Variants in DMXL2 observed in about 807,000 individuals in gnomAD.
The protein encoded by DMXL2 is Dmx like 2.
Under a neutral mutation model 331.1 loss-of-function variants are expected in DMXL2, and 103 were observed. The ratio of observed to expected loss-of-function variants is 0.31; its 90% CI spans 0.27 to 0.37. The LOEUF (loss-of-function observed/expected upper bound fraction) is 0.37. Ranked by LOEUF, DMXL2 falls within the 10% of genes least tolerant of loss-of-function variation. DMXL2 has a pLI of 1.00. For synonymous variants in DMXL2, 1,281 were observed against 1,252.1 expected, an observed-to-expected ratio of 1.02 and a Z score of -0.49; for missense variants, 3,171 against 3,642.9, an observed-to-expected ratio of 0.87 and a Z score of 3.33.
chr15:51,456,909 T>A (rs1265282631), intron 37 of DMXL2, among the ~76,000 whole-genome samples: 1 of 152,204 alleles, frequency 6.6e-6, no homozygotes. Flanking sequence ...TGGTGGCTCA[T>A]GCCTGTAATC....
intron 15 of DMXL2, among the ~76,000 whole-genome samples, chr15:51,508,910 G>C (rs567233341): frequency 9.7e-4 from 147 of 152,184 alleles, no homozygotes; most frequent in African/African-American, 3.3e-3. Flanking sequence ...TGAAATAACT[G>C]GTTTAAGATC....
In DMXL2 at chr15:51,500,093, T is replaced by G. The variant is rs747733734; in HGVS notation, c.3131A>C (p.Glu1044Ala). 6.2e-7 allele frequency: 1 copy of G among 1,614,192 alleles called. No individual in the cohort carries two copies. Among genetic ancestry groups the G allele is most frequent in the Non-Finnish European group, 8.5e-7 (1 of 1,180,012 alleles). Reference sequence around the variant, plus strand: ...AGGCCATCTCTTCCAATGATAAATTTCTTTCTCATCACTTTTATTACACTC... The same window carrying G: ...AGGCCATCTCTTCCAATGATAAATTGCTTTCTCATCACTTTTATTACACTC... The part of the protein sequence containing the change: ...NPECNKSDEK[E>A]IYHWKRWPLM... The change falls in exon 18 of 44, where the codon GAA becomes GCA. Residue 1044 changes from glutamate (E) to alanine (A), a missense_variant. By Grantham distance (107) the Glu-to-Ala change is moderately radical. This residue lies in a region of DMXL2 where 1,674 missense variants were observed against 1,780.2 expected (regional missense o/e 0.94). Transcript: ENST00000560891.
intron 38 of DMXL2, 37 bp downstream of exon 38, chr15:51,456,272 T>A (rs539588036): frequency 5.6e-5 from 89 of 1,595,824 alleles, no homozygotes; most frequent in Non-Finnish European, 7.4e-5. Context: ...AACCTCCAAA[T>A]GAGGACACTT....
chr15:51,484,247 G>A (rs1463340860), intron 23 of DMXL2, among the ~76,000 whole-genome samples: 4 of 152,194 alleles, frequency 2.6e-5, no homozygotes, highest in Admixed American at 6.5e-5. Context: ...CTCCAGGCTG[G>A]CCAAGTGACC....
intron 1 of DMXL2, among the ~76,000 whole-genome samples, chr15:51,594,101 C>G (rs1239901512): frequency 6.6e-6 from 1 of 151,972 alleles, no homozygotes; most frequent in Non-Finnish European, 1.5e-5. Flanking sequence ...CACAAAAAAC[C>G]CTTCAAAAAA....
intron 1 of DMXL2, among the ~76,000 whole-genome samples, chr15:51,576,676 C>A (rs1408564457): frequency 6.6e-6 from 1 of 152,114 alleles, no homozygotes; most frequent in South Asian, 2.1e-4. Context: ...ACAACAAAGG[C>A]AGAATTACAT....
At chr15:51,582,798 G>A (rs1342886633) in intron 1 of DMXL2, among the ~76,000 whole-genome samples, 1 of 151,998 alleles carries the variant, frequency 6.6e-6, no homozygotes, top group African/African-American at 2.4e-5. Context: ...TCAGTAACAA[G>A]ATTTTCTTTT....
At chr15:51,502,306 TTGTGTGTGTGTGTGTGTG>T (rs769283309) in intron 17 of DMXL2, among the ~76,000 whole-genome samples, 1 of 140,558 alleles carries the variant, frequency 7.1e-6, no homozygotes, top group South Asian at 2.3e-4. Context: ...TTTTGTGGGT[TTGTGTGTGTGTGTGTGTG>T]TGTGTGTGTG....
At position 51,458,745 on chromosome 15, in the gene DMXL2, C is replaced by A; in HGVS notation, c.8040G>T (p.Lys2680Asn). 1.2e-6 allele frequency: 2 copies of A among 1,614,004 alleles called. No individual in the cohort carries two copies. The highest frequency in any genetic ancestry group is 1.1e-5 in the South Asian group (1 of 91,076). Residue 2680 changes from lysine to asparagine, a missense_variant, in exon 35 of 44, where the codon AAG becomes AAT. Lys to Asn is a moderately conservative substitution (Grantham distance 94). Around this residue, in one of 7 missense-constraint regions of DMXL2, gnomAD observed 766 missense variants for 940.5 expected, o/e 0.81. Transcript: ENST00000560891. Reference protein sequence around the residue: ...YPGGKAKVIHKESDMIMAFSV... With the variant: ...YPGGKAKVIHNESDMIMAFSV... ...AAAATGCCATGATCATATCAGATTC[C>A]TTATGGATGACTTTCGCCTTTCCAC...
chr15:51,528,956 T>C (rs1006251369), intron 13 of DMXL2, among the ~76,000 whole-genome samples: 4 of 152,098 alleles, frequency 2.6e-5, no homozygotes, highest in African/African-American at 9.7e-5. Flanking sequence ...TAACAAGGAA[T>C]TTTGGAAACT....
At chr15:51,581,252 T>C (rs4775955) in intron 1 of DMXL2, among the ~76,000 whole-genome samples, 72,654 of 152,014 alleles carry the variant, frequency 0.48, 17,739 homozygotes, top group Non-Finnish European at 0.52. Context: ...ATGTAGGCTG[T>C]ATGCTCTTTA....
chr15:51,593,045 A>T (rs2052513333), intron 1 of DMXL2, among the ~76,000 whole-genome samples: 1 of 152,222 alleles, frequency 6.6e-6, no homozygotes. Context: ...TAATGACAGG[A>T]TCAAATTCAC....
At chr15:51,597,349 T>C (rs2141285767) in intron 1 of DMXL2, among the ~76,000 whole-genome samples, 1 of 152,300 alleles carries the variant, frequency 6.6e-6, no homozygotes, top group South Asian at 2.1e-4. Context: ...TTCTTTGTAG[T>C]TTTTCAACCT....
Position 51,471,264 on chromosome 15 carries a change from T to C in DMXL2, c.7351A>G (p.Ile2451Val), listed in dbSNP as rs768770208. The change falls in exon 29 of 44, where the codon ATT becomes GTT. Residue 2451 changes from isoleucine (I) to valine (V), a missense_variant. Coordinates refer to ENST00000560891, the MANE Select transcript of DMXL2 (RefSeq NM_001378457.1). ...TCCCACATACTAAGTTCGGGAGGAA[T>C]AAATTTTTCTTTGTAAGATGGTCTT... is the stretch of plus-strand genomic sequence containing the variant. ...AERPSYKEKF[I>V]PPELSMWDYF... 3 of 1,613,964 alleles carry C rather than the reference T, an allele frequency of 1.9e-6. No homozygotes were observed. Among genetic ancestry groups the C allele is most frequent in the Non-Finnish European group, 2.5e-6 (3 of 1,179,964 alleles).
At chr15:51,541,227 T>A (rs904738590) in intron 9 of DMXL2, among the ~76,000 whole-genome samples, 1 of 152,046 alleles carries the variant, frequency 6.6e-6, no homozygotes, top group Admixed American at 6.6e-5. Flanking sequence ...AGAAATATAA[T>A]GCAGACCAAA....
intron 26 of DMXL2, among the ~76,000 whole-genome samples, chr15:51,477,284 C>T (rs377507983): frequency 1.3e-5 from 2 of 151,982 alleles, no homozygotes; most frequent in African/African-American, 2.4e-5. Context: ...AATATAAAAG[C>T]GGAAAGTCAA....
chr15:51,558,076 T>C (rs1298900930), intron 6 of DMXL2, among the ~76,000 whole-genome samples: 1 of 152,226 alleles, frequency 6.6e-6, no homozygotes, highest in Non-Finnish European at 1.5e-5. Context: ...TACATCTTTT[T>C]GTCTGAGGTC....
chr15:51,610,187 A>G (rs530698444), intron 1 of DMXL2, among the ~76,000 whole-genome samples: 1 of 152,352 alleles, frequency 6.6e-6, no homozygotes, highest in Middle Eastern at 3.4e-3. Flanking sequence ...ACTGTTAGAA[A>G]TCAAAAAGGG....
Position 51,453,596 on chromosome 15 carries a change from T to C in DMXL2, c.8650A>G (p.Thr2884Ala). The change falls in exon 41 of 44, where the codon ACC becomes GCC. Residue 2884 changes from threonine to alanine, a missense_variant. Thr to Ala is a moderately conservative substitution (Grantham distance 58). Around this residue, in one of 7 missense-constraint regions of DMXL2, gnomAD observed 766 missense variants for 940.5 expected, o/e 0.81. Transcript: ENST00000560891. ...GATGTGGCAACTAGACTTGAAGAGG[T>C]AATAAATGCAAAGTCACTTGTGGCT... ...SKATSDFAFITSSSLVATSGH... is the reference protein window; with the variant it reads ...SKATSDFAFIASSSLVATSGH... 1 of 1,613,782 alleles carries C rather than the reference T, an allele frequency of 6.2e-7. No homozygotes were observed. The highest frequency in any genetic ancestry group is 8.5e-7 in the Non-Finnish European group (1 of 1,179,872).
Sources: gnomAD v4.1 joint callset for allele counts (sites outside exome capture counted in the v4.1 genomes callset) on GRCh38, gnomAD v4.1.1 for gene constraint, gnomAD v4.1.1 regional missense constraint, MANE v1.5 for transcripts, NCBI Gene and HGNC (gene_info 2026-07-23, HGNC 2026-07-21) for gene names.